TMEM106B: variants seen among roughly 807,000 people sequenced by gnomAD.
TMEM106B encodes transmembrane protein 106B.
A neutral mutation model predicts 31.1 loss-of-function variants in TMEM106B; 15 were observed. The ratio of observed to expected loss-of-function variants is 0.48; its 90% confidence interval spans 0.32 to 0.74. The LOEUF (loss-of-function observed/expected upper bound fraction) is 0.74, where lower values mean the gene tolerates loss of function less well. Ranked by LOEUF, TMEM106B falls within the 30% of genes least tolerant of loss-of-function variation. The probability of loss-of-function intolerance (pLI) is 0.03; values close to 1 mark genes in which losing one functional copy is unlikely to be tolerated. For missense variants in TMEM106B, 283 were observed against 327.3 expected (o/e 0.86, Z 1.04); for synonymous variants, 126 against 112.5 (o/e 1.12, Z -0.76).
chr7:12,222,980 T>G (rs1384097221), intron 3 of TMEM106B, among the ~76,000 whole-genome samples: 1 of 152,166 alleles, frequency 6.6e-6, no homozygotes, highest in East Asian at 1.9e-4. Context: ...GGAAAATTTT[T>G]GTATAAGTAG....
intron 3 of TMEM106B, among the ~76,000 whole-genome samples, 184 bp downstream of exon 3, chr7:12,218,705 G>A (rs1464055349): frequency 6.6e-6 from 1 of 152,092 alleles, no homozygotes; most frequent in Non-Finnish European, 1.5e-5. Flanking sequence ...TTGGGGTAAG[G>A]TCTTGAAAGC....
intron 2 of TMEM106B, among the ~76,000 whole-genome samples, chr7:12,216,809 T>C (rs1781695812): frequency 6.6e-6 from 1 of 152,082 alleles, no homozygotes; most frequent in South Asian, 2.1e-4. Context: ...GATTGGGTAG[T>C]GTGAAGACTG....
At position 12,218,463 on chromosome 7, in the gene TMEM106B, G is replaced by C; in HGVS notation, c.223G>C (p.Glu75Gln). The C allele has an allele frequency of 6.2e-7, 1 of 1,612,262 alleles. No individual in the cohort carries two copies. Among genetic ancestry groups the C allele is most frequent in the Non-Finnish European group, 8.5e-7 (1 of 1,179,116 alleles). ...QGTGRIPRGQ[E>Q]NQLVALIPYS... ...CTTACTTCTTTCACATTTAGGGCAA[G>C]AAAACCAACTGGTGGCATTGATTCC... is the stretch of plus-strand genomic sequence containing the variant. The change falls in exon 3 of 8, where the codon GAA becomes CAA. Residue 75 changes from glutamate to glutamine, a missense_variant. Physicochemically the swap from Glu to Gln is conservative, Grantham distance 29. Transcript: ENST00000396668.
chr7:12,230,247 T>G, intron 5 of TMEM106B, 142 bp from the exon 6 acceptor site: 1 of 717,726 alleles, frequency 1.4e-6, no homozygotes, highest in Non-Finnish European at 2.5e-6. Context: ...GAAATGTGTC[T>G]TATACACATA....
Position 12,215,564 on chromosome 7 carries a change from T to A in TMEM106B, c.217+537T>A, listed in dbSNP as rs1388256385. ...AGTTAATGTGTAAGGAAGCTTATTC[T>A]TTCATGTTATTTTTAAAATTTTATT... On this transcript the variant is annotated intron_variant, in intron 2 of 7. Coordinates refer to ENST00000396668, the MANE Select transcript of TMEM106B (RefSeq NM_001134232.2). 1.3e-5 allele frequency: 4 copies of A among 303,104 alleles called. No individual in the cohort carries two copies. The Admixed American group carries it at 1.5e-4, about 11-fold the overall frequency. The allele number at this position is 303,104 out of a possible 1,614,324, so 18.8% of individuals were successfully genotyped here. A position where few individuals can be genotyped will look rare whatever the true frequency, so the allele number is the denominator to read the frequency against.
intron 7 of TMEM106B, 71 bp downstream of exon 7, chr7:12,231,186 A>G (rs947253208): frequency 8.4e-6 from 10 of 1,196,668 alleles, no homozygotes; most frequent in African/African-American, 1.5e-5. Context: ...GGCTTATAAT[A>G]TACACAACAT....
chr7:12,219,609 T>C (rs1781749444), intron 3 of TMEM106B, among the ~76,000 whole-genome samples: 1 of 152,050 alleles, frequency 6.6e-6, no homozygotes, highest in South Asian at 2.1e-4. Flanking sequence ...AAGGCAGAAA[T>C]TGAGAAGCTC....
At chr7:12,214,091 A>G (rs1305525620) in intron 1 of TMEM106B, 1 of 152,186 alleles carries the variant, frequency 6.6e-6, no homozygotes, top group Non-Finnish European at 1.5e-5. Context: ...GCAGGCCCTG[A>G]GAGAAATTGA....
At chr7:12,228,799 T>C (rs1230298605) in intron 4 of TMEM106B, among the ~76,000 whole-genome samples, 3 of 152,078 alleles carry the variant, frequency 2.0e-5, no homozygotes, top group African/African-American at 7.2e-5. Flanking sequence ...ATTGTACTAG[T>C]TTGAGGAATT....
chr7:12,220,722 C>T (rs571117693), intron 3 of TMEM106B, among the ~76,000 whole-genome samples: 1 of 152,232 alleles, frequency 6.6e-6, no homozygotes, highest in African/African-American at 2.4e-5. Context: ...TACTTTTTGG[C>T]TCAGAAATCC....
rs566449511 is a variant in TMEM106B, at chr7:12,213,794, A to G, written c.-2-1015A>G. 4.6e-5 allele frequency among the ~76,000 whole-genome samples: 7 copies of G among 152,316 alleles called. No individual in the cohort carries two copies. The East Asian group carries it at 7.7e-4, about 17-fold the overall frequency. On this transcript the variant is annotated intron_variant, in intron 1 of 7. Coordinates refer to ENST00000396668, the MANE Select transcript of TMEM106B (RefSeq NM_001134232.2). Reference sequence around the variant, plus strand: ...AAAAGGTAGTTTGAACATTCTCTTAATGTTTGTTCTGTAAACCAAAAATAA... The same window carrying G: ...AAAAGGTAGTTTGAACATTCTCTTAGTGTTTGTTCTGTAAACCAAAAATAA...
At chr7:12,230,074 T>C (rs553826672) in intron 5 of TMEM106B, among the ~76,000 whole-genome samples, 3 of 151,988 alleles carry the variant, frequency 2.0e-5, no homozygotes, top group African/African-American at 7.2e-5. Flanking sequence ...AAAAATGTGC[T>C]GAGTGTGGTA....
At chr7:12,221,364 T>G (rs1781784780) in intron 3 of TMEM106B, among the ~76,000 whole-genome samples, 1 of 150,924 alleles carries the variant, frequency 6.6e-6, no homozygotes, top group South Asian at 2.1e-4. Context: ...TAGGAGTACC[T>G]TTGATGTAGT....
Position 12,232,011 on chromosome 7 carries a change from A to G in TMEM106B, c.*36A>G, listed in dbSNP as rs1178348374. 1.9e-6 allele frequency: 3 copies of G among 1,597,422 alleles called. No homozygotes were observed. The highest frequency in any genetic ancestry group is 2.6e-6 in the Non-Finnish European group (3 of 1,168,244). ...AGATGGATTTAAAGAAGAAATATCT[A>G]TTGATATTTCCTATACTCTCAATGA... On this transcript the variant is annotated 3_prime_UTR_variant, in exon 8 of 8. Coordinates refer to ENST00000396668, the MANE Select transcript of TMEM106B (RefSeq NM_001134232.2).
intron 1 of TMEM106B, among the ~76,000 whole-genome samples, chr7:12,213,939 G>A (rs1048363787): frequency 2.0e-5 from 3 of 152,040 alleles, no homozygotes; most frequent in Non-Finnish European, 4.4e-5. Flanking sequence ...AACATGCCCC[G>A]TTGTACCTTC....
At chr7:12,218,556 T>C (rs1421097331) in intron 3 of TMEM106B, 35 bp downstream of exon 3, 2 of 1,559,862 alleles carry the variant, frequency 1.3e-6, no homozygotes, top group Non-Finnish European at 1.7e-6. Flanking sequence ...GTGTTTTATG[T>C]TTTATTTTTG....
chr7:12,231,242 C>CT (rs1782015667), intron 7 of TMEM106B, 127 bp downstream of exon 7: 1 of 656,622 alleles, frequency 1.5e-6, no homozygotes, highest in African/African-American at 1.9e-5. Flanking sequence ...TACAAGAGTG[C>CT]TATGAGTAAA....
rs1782264479 is a variant in TMEM106B, at chr7:12,243,250, G to A, written c.*11275G>A. The A allele has an allele frequency of 6.6e-6, 1 of 152,024 alleles. No homozygotes were observed. The highest frequency in any genetic ancestry group is 1.5e-5 in the Non-Finnish European group (1 of 67,972). 9.4% of individuals were successfully genotyped at this position (152,024 alleles called of 1,614,324 possible). On this transcript the variant is annotated 3_prime_UTR_variant, in exon 8 of 8. Transcript: ENST00000396668. ...CTATAAGTCAACCTCACATTTTAATGTATGAAGAAGATTGTATGAACGATC... is the reference window on the plus strand; with the variant it reads ...CTATAAGTCAACCTCACATTTTAATATATGAAGAAGATTGTATGAACGATC...
chr7:12,231,751 T>G, intron 7 of TMEM106B, 86 bp from the exon 8 acceptor site: 1 of 1,051,248 alleles, frequency 9.5e-7, no homozygotes. Context: ...TTCTGGGAGA[T>G]AATTTTTATG....
Sources: gnomAD v4.1 joint callset for allele counts (sites outside exome capture counted in the v4.1 genomes callset) on GRCh38, gnomAD v4.1.1 for gene constraint, MANE v1.5 for transcripts, NCBI Gene and HGNC (gene_info 2026-07-23, HGNC 2026-07-21) for gene names.